Variants in NDST3 observed in about 807,000 individuals in gnomAD.
NDST3 encodes bifunctional heparan sulfate N-deacetylase/N-sulfotransferase 3.
A neutral mutation model predicts 96.1 loss-of-function variants in NDST3; 58 were observed. The observed-to-expected ratio is 0.60, with a 90% CI of 0.49 to 0.75. The LOEUF (loss-of-function observed/expected upper bound fraction) is 0.75. Among genes scored for constraint, NDST3 ranks in the 30% least tolerant of loss-of-function variants. NDST3 has a pLI of 0.00. For missense variants in NDST3, 788 were observed against 1,034.2 expected, an observed-to-expected ratio of 0.76 and a Z score of 3.27; for synonymous variants, 333 against 359.7, an observed-to-expected ratio of 0.93 and a Z score of 0.84.
intron 8 of NDST3, among the ~76,000 whole-genome samples, chr4:118,228,181 T>C (rs972706261): frequency 1.3e-5 from 2 of 152,214 alleles, no homozygotes; most frequent in Non-Finnish European, 2.9e-5. Flanking sequence ...TTTGCAGATA[T>C]CAATCTGAAA....
chr4:118,214,708 T>C (rs1314577372), intron 6 of NDST3, among the ~76,000 whole-genome samples: 3 of 151,878 alleles, frequency 2.0e-5, no homozygotes, highest in Admixed American at 6.6e-5. Context: ...CAAGTGCAAA[T>C]AGGGATAGAG....
chr4:118,129,069 C>T (rs1304443167), intron 4 of NDST3, among the ~76,000 whole-genome samples: 2 of 151,512 alleles, frequency 1.3e-5, no homozygotes, highest in Non-Finnish European at 3.0e-5. Flanking sequence ...TATTTGGGTC[C>T]TCATCCTTTT....
chr4:118,107,456 G>T (rs1578651192), intron 3 of NDST3, among the ~76,000 whole-genome samples: 1 of 152,042 alleles, frequency 6.6e-6, no homozygotes, highest in Non-Finnish European at 1.5e-5. Flanking sequence ...ATTAAAAAGA[G>T]ATAATTTTAA....
chr4:118,204,210 G>C (rs942833984), intron 6 of NDST3, among the ~76,000 whole-genome samples: 1 of 152,042 alleles, frequency 6.6e-6, no homozygotes, highest in African/African-American at 2.4e-5. Context: ...GGCCCTGCAG[G>C]TACCTCGCTT....
At chr4:118,139,081 C>T (rs1733357127) in intron 5 of NDST3, among the ~76,000 whole-genome samples, 1 of 152,172 alleles carries the variant, frequency 6.6e-6, no homozygotes, top group African/African-American at 2.4e-5. Flanking sequence ...TTTTCAATGT[C>T]TGCAAAAATT....
At chr4:118,066,130 TATATA>T (rs1181726941) in intron 2 of NDST3, among the ~76,000 whole-genome samples, 1,724 of 41,580 alleles carry the variant, frequency 0.041, 112 homozygotes, top group African/African-American at 0.095. Flanking sequence ...TTATATATAT[TATATA>T]ATATATTTTA....
chr4:118,044,866 T>G (rs75466047), intron 1 of NDST3, among the ~76,000 whole-genome samples: 1 of 152,198 alleles, frequency 6.6e-6, no homozygotes, highest in South Asian at 2.1e-4. Flanking sequence ...ATGACACTCT[T>G]GAGATAAGTA....
At chr4:118,245,747 G>T (rs1339174769) in intron 12 of NDST3, among the ~76,000 whole-genome samples, 1 of 152,072 alleles carries the variant, frequency 6.6e-6, no homozygotes, top group African/African-American at 2.4e-5. Flanking sequence ...TTAAGTGGTT[G>T]TAACAGTTCA....
intron 6 of NDST3, among the ~76,000 whole-genome samples, chr4:118,153,271 C>A (rs1253402454): frequency 6.6e-6 from 1 of 152,078 alleles, no homozygotes; most frequent in African/African-American, 2.4e-5. Context: ...TTGCTCCATA[C>A]CCACTTGGAA....
At chr4:118,091,580 C>T (rs1423397151) in intron 2 of NDST3, among the ~76,000 whole-genome samples, 2 of 151,608 alleles carry the variant, frequency 1.3e-5, no homozygotes, top group Non-Finnish European at 2.9e-5. Flanking sequence ...TGTGATGCAT[C>T]CTTACTCTGA....
intron 6 of NDST3, among the ~76,000 whole-genome samples, chr4:118,149,749 C>T (rs1214751318): frequency 6.6e-6 from 1 of 150,718 alleles, no homozygotes; most frequent in African/African-American, 2.4e-5. Flanking sequence ...CCCTTTATTT[C>T]CTTCTCCTGC....
intron 2 of NDST3, among the ~76,000 whole-genome samples, chr4:118,078,050 C>G (rs577696315): frequency 6.6e-6 from 1 of 152,138 alleles, no homozygotes; most frequent in Non-Finnish European, 1.5e-5. Context: ...GGGGATGGAG[C>G]GGGCATGGAG....
At chr4:118,113,784 C>A (rs769588167) in intron 3 of NDST3, among the ~76,000 whole-genome samples, 3 of 152,160 alleles carry the variant, frequency 2.0e-5, no homozygotes, top group Admixed American at 6.5e-5. Flanking sequence ...GAAGAACCCA[C>A]TACTCAGGGA....
intron 6 of NDST3, among the ~76,000 whole-genome samples, chr4:118,186,223 G>A (rs1736948147): frequency 6.6e-6 from 1 of 152,064 alleles, no homozygotes; most frequent in African/African-American, 2.4e-5. Context: ...CTGGTCTGCT[G>A]GGGCCTACTG....
chr4:118,137,203 A>AT (rs1169779487), intron 4 of NDST3, among the ~76,000 whole-genome samples: 2 of 152,166 alleles, frequency 1.3e-5, no homozygotes, highest in Admixed American at 6.5e-5. Flanking sequence ...ATTTTTGAAG[A>AT]TTTTTTCCAA....
chr4:118,228,111 G>A (rs1740026999), intron 8 of NDST3, among the ~76,000 whole-genome samples: 1 of 152,110 alleles, frequency 6.6e-6, no homozygotes, highest in Admixed American at 6.5e-5. Flanking sequence ...AAATAACTGA[G>A]GAAAATTCTG....
intron 6 of NDST3, among the ~76,000 whole-genome samples, chr4:118,178,429 A>C (rs890307277): frequency 1.3e-5 from 2 of 152,028 alleles, no homozygotes; most frequent in African/African-American, 4.8e-5. Context: ...GGAACCAAAC[A>C]GTATTTTTCT....
intron 8 of NDST3, 51 bp from the exon 9 acceptor site, chr4:118,232,961 G>A: frequency 6.4e-7 from 1 of 1,552,174 alleles, no homozygotes; most frequent in South Asian, 1.2e-5. Context: ...GTTGATCATA[G>A]GAAATTGTGT....
At chr4:118,114,700 A>G in intron 3 of NDST3, 106 bp from the exon 4 acceptor site, 1 of 1,217,090 alleles carries the variant, frequency 8.2e-7, no homozygotes, top group Non-Finnish European at 1.1e-6. Context: ...AGAATAAATG[A>G]TGGCTTCTAA....
Sources: gnomAD v4.1 joint callset for allele counts (sites outside exome capture counted in the v4.1 genomes callset) on GRCh38, gnomAD v4.1.1 for gene constraint, MANE v1.5 for transcripts, NCBI Gene and HGNC (gene_info 2026-07-23, HGNC 2026-07-21) for gene names.